FHOD3: variants seen among roughly 807,000 people sequenced by gnomAD.
The protein encoded by FHOD3 is formin homology 2 domain containing 3.
A neutral mutation model predicts 173.0 loss-of-function variants in FHOD3; 90 were observed. That is an observed-to-expected ratio of 0.52 (90% CI 0.44 to 0.62). The LOEUF is 0.62. FHOD3 is among the 20% of genes least tolerant of loss of function. The pLI, the probability that FHOD3 is intolerant of heterozygous loss-of-function variation, is 0.00. For synonymous variants in FHOD3, 828 were observed against 823.0 expected (o/e 1.01, Z -0.10); for missense variants, 1,945 against 2,034.7 (o/e 0.96, Z 0.85).
intron 22 of FHOD3, among the ~76,000 whole-genome samples, chr18:36,743,812 G>A (rs1167318995): frequency 3.3e-5 from 5 of 152,188 alleles, no homozygotes; most frequent in Non-Finnish European, 7.3e-5. Flanking sequence ...CTGGGACATG[G>A]CTCATGGCTG....
chr18:36,677,628 C>T (rs79757024), intron 14 of FHOD3, among the ~76,000 whole-genome samples: 11,750 of 152,170 alleles, frequency 0.077, 574 homozygotes, highest in Middle Eastern at 0.14. Context: ...GCACCAAGAC[C>T]ACTTTGACGG....
At chr18:36,500,852 A>G (rs1024019456) in intron 3 of FHOD3, among the ~76,000 whole-genome samples, 5 of 152,340 alleles carry the variant, frequency 3.3e-5, no homozygotes, top group South Asian at 4.1e-4. Context: ...AAAGTCTGGC[A>G]TCGGGTGCTA....
At chr18:36,378,062 A>T (rs2047536487) in intron 3 of FHOD3, among the ~76,000 whole-genome samples, 2 of 152,148 alleles carry the variant, frequency 1.3e-5, no homozygotes, top group South Asian at 4.1e-4. Flanking sequence ...GCATTGAGTC[A>T]TCACACTTCC....
chr18:36,410,432 T>C (rs778870601), intron 3 of FHOD3, among the ~76,000 whole-genome samples: 7 of 152,250 alleles, frequency 4.6e-5, no homozygotes, highest in Non-Finnish European at 1.0e-4. Context: ...TTGTTTCTAT[T>C]ATGAATAATG....
chr18:36,766,812 G>A (rs758545655), intron 27 of FHOD3, among the ~76,000 whole-genome samples: 1 of 152,240 alleles, frequency 6.6e-6, no homozygotes, highest in Non-Finnish European at 1.5e-5. Context: ...GGGAAGATTA[G>A]ATGATGCCTT....
chr18:36,406,482 T>C (rs1169310190), intron 3 of FHOD3, among the ~76,000 whole-genome samples: 3 of 152,066 alleles, frequency 2.0e-5, no homozygotes, highest in African/African-American at 4.8e-5. Context: ...TGGCATAGGA[T>C]TAGGAGTGGT....
At chr18:36,630,194 T>G (rs948334631) in intron 10 of FHOD3, among the ~76,000 whole-genome samples, 3 of 152,190 alleles carry the variant, frequency 2.0e-5, no homozygotes, top group African/African-American at 7.2e-5. Flanking sequence ...CAAAATTGAC[T>G]CTTTTTCAGA....
chr18:36,702,770 G>A (rs1227965876), intron 17 of FHOD3, among the ~76,000 whole-genome samples: 1 of 152,244 alleles, frequency 6.6e-6, no homozygotes, highest in East Asian at 1.9e-4. Context: ...TGTCAGGGAC[G>A]TGGATGAAAG....
chr18:36,731,904 T>C (rs1401455725), intron 20 of FHOD3, among the ~76,000 whole-genome samples: 1 of 152,184 alleles, frequency 6.6e-6, no homozygotes, highest in African/African-American at 2.4e-5. Flanking sequence ...CTGAACTGCA[T>C]TGAATAGTGG....
intron 3 of FHOD3, among the ~76,000 whole-genome samples, chr18:36,439,920 A>G (rs1023871470): frequency 6.6e-6 from 1 of 152,130 alleles, no homozygotes; most frequent in African/African-American, 2.4e-5. Context: ...CATCCCCACA[A>G]TGGTGAGGGG....
At chr18:36,520,686 A>C (rs998642705) in intron 5 of FHOD3, among the ~76,000 whole-genome samples, 1 of 152,226 alleles carries the variant, frequency 6.6e-6, no homozygotes, top group Admixed American at 6.5e-5. Context: ...TTGTTGTCTC[A>C]GTCTTGGCCA....
intron 25 of FHOD3, among the ~76,000 whole-genome samples, chr18:36,758,414 A>G (rs1005147416): frequency 6.6e-6 from 1 of 152,250 alleles, no homozygotes; most frequent in African/African-American, 2.4e-5. Flanking sequence ...AACTTAAAGC[A>G]GTTTAGTGCT....
intron 3 of FHOD3, among the ~76,000 whole-genome samples, chr18:36,407,869 T>C (rs1315729598): frequency 1.3e-5 from 2 of 152,234 alleles, no homozygotes; most frequent in Non-Finnish European, 2.9e-5. Context: ...ATAATACTTG[T>C]AGGGTTGTGG....
rs116345877 is a variant in FHOD3 at position 36,714,982 on chromosome 18, G to A, written c.2534-2850G>A. Among the ~76,000 whole-genome samples the A allele has an allele frequency of 9.9e-3, 1,503 of 152,222 alleles. 23 individuals are homozygous for A. Among genetic ancestry groups the A allele is most frequent in the African/African-American group, 0.034 (1,400 of 41,524 alleles). ...GGGCCCACCCTCCACGTGTTTGAGG[G>A]GGATGTTCCTTCGGCTGAATGAAGC... On this transcript the variant is annotated intron_variant, in intron 18 of 28. Coordinates refer to ENST00000590592, the MANE Select transcript of FHOD3 (RefSeq NM_001281740.3).
At chr18:36,562,261 C>T (rs1489781639) in intron 5 of FHOD3, among the ~76,000 whole-genome samples, 2 of 152,250 alleles carry the variant, frequency 1.3e-5, no homozygotes, top group South Asian at 2.1e-4. Context: ...AGATGATCCA[C>T]CTGCCTTGGC....
intron 3 of FHOD3, among the ~76,000 whole-genome samples, chr18:36,417,337 G>T (rs2049713814): frequency 6.6e-6 from 1 of 152,090 alleles, no homozygotes; most frequent in Non-Finnish European, 1.5e-5. Flanking sequence ...TTCTGTTCCT[G>T]CATTAGTTTG....
At chr18:36,528,519 G>A (rs942816048) in intron 5 of FHOD3, among the ~76,000 whole-genome samples, 5 of 152,124 alleles carry the variant, frequency 3.3e-5, no homozygotes, top group African/African-American at 9.7e-5. Context: ...GCAATTTCAT[G>A]ATGTCCTTGT....
intron 3 of FHOD3, among the ~76,000 whole-genome samples, chr18:36,413,696 T>C (rs914921212): frequency 5.9e-5 from 9 of 152,210 alleles, no homozygotes; most frequent in African/African-American, 2.2e-4. Flanking sequence ...TTCCCCTTAT[T>C]CTCCAGAATT....
chr18:36,364,856 C>T (rs1454903435), intron 2 of FHOD3, among the ~76,000 whole-genome samples: 2 of 151,986 alleles, frequency 1.3e-5, no homozygotes, highest in African/African-American at 4.8e-5. Flanking sequence ...CAAGGCAAGG[C>T]TGGGAGTGGT....
Sources: gnomAD v4.1 joint callset for allele counts (sites outside exome capture counted in the v4.1 genomes callset) on GRCh38, gnomAD v4.1.1 for gene constraint, MANE v1.5 for transcripts, NCBI Gene and HGNC (gene_info 2026-07-23, HGNC 2026-07-21) for gene names.